The following ZFPM2 variants were observed in gnomAD, a reference collection of about 807,000 sequenced individuals.
The protein encoded by ZFPM2 is zinc finger protein, FOG family member 2, also known as zinc finger protein ZFPM2.
A neutral mutation model predicts 98.6 loss-of-function variants in ZFPM2; 20 were observed. That is an observed-to-expected ratio of 0.20 (90% CI 0.14 to 0.29). ZFPM2 has a LOEUF of 0.29. ZFPM2 is among the 10% of genes least tolerant of loss of function. The pLI is 1.00. For missense variants in ZFPM2, 1,310 were observed against 1,388.6 expected (o/e 0.94, Z 0.90); for synonymous variants, 518 against 502.7 (o/e 1.03, Z -0.41).
intron 4 of ZFPM2, among the ~76,000 whole-genome samples, chr8:105,563,656 G>A (rs1815185570): frequency 6.6e-6 from 1 of 152,158 alleles, no homozygotes; most frequent in Admixed American, 6.5e-5. Context: ...GCTAATGAAT[G>A]TTAAGAAAGG....
chr8:105,794,327 G>A (rs1375616366), intron 6 of ZFPM2, among the ~76,000 whole-genome samples: 1 of 152,192 alleles, frequency 6.6e-6, no homozygotes, highest in Non-Finnish European at 1.5e-5. Context: ...GTCTGTTGGA[G>A]TTTGCTAGAG....
intron 3 of ZFPM2, among the ~76,000 whole-genome samples, chr8:105,446,224 T>A (rs1380732092): frequency 6.6e-6 from 1 of 152,158 alleles, no homozygotes; most frequent in African/African-American, 2.4e-5. Flanking sequence ...CCGGCGATAG[T>A]TCCTTATTCA....
rs1426946941 is a variant in ZFPM2, at chr8:105,390,723, A to AT, written c.41-28420dup. On this transcript the variant is annotated intron_variant, in intron 1 of 7. Transcript: ENST00000407775. ...TTCTTTATTATACAACACAACCTTA[A>AT]TGTACTCATGGTAATGAAAATGGAG... Among the ~76,000 whole-genome samples the AT allele has an allele frequency of 2.0e-5, 3 of 152,162 alleles. No individual in the cohort carries two copies. The East Asian group carries it at 5.8e-4, about 29-fold the overall frequency.
intron 5 of ZFPM2, among the ~76,000 whole-genome samples, chr8:105,768,448 G>A (rs1450799788): frequency 6.6e-6 from 1 of 151,806 alleles, no homozygotes; most frequent in Non-Finnish European, 1.5e-5. Flanking sequence ...GTTTTAGGGG[G>A]ATATTATAGC....
chr8:105,604,981 G>T (rs1208471612), intron 4 of ZFPM2, among the ~76,000 whole-genome samples: 1 of 152,000 alleles, frequency 6.6e-6, no homozygotes, highest in South Asian at 2.1e-4. Flanking sequence ...TGAATAAAAT[G>T]ACATTTTAAA....
intron 4 of ZFPM2, 105 bp downstream of exon 4, chr8:105,561,586 T>C: frequency 1.0e-6 from 1 of 960,932 alleles, no homozygotes; most frequent in East Asian, 2.6e-5. Flanking sequence ...TCACTAAAAA[T>C]AACCATTTGT....
At chr8:105,719,698 G>A (rs990953096) in intron 5 of ZFPM2, among the ~76,000 whole-genome samples, 2 of 151,894 alleles carry the variant, frequency 1.3e-5, no homozygotes, top group African/African-American at 4.8e-5. Flanking sequence ...TTGTGTGTTA[G>A]CAATTATTAT....
intron 3 of ZFPM2, among the ~76,000 whole-genome samples, chr8:105,453,008 G>A (rs916335715): frequency 2.6e-5 from 4 of 152,058 alleles, no homozygotes; most frequent in Admixed American, 6.6e-5. Flanking sequence ...AGATCAACAC[G>A]ATATGCATTA....
chr8:105,599,802 G>T (rs1346422476), intron 4 of ZFPM2, among the ~76,000 whole-genome samples: 4 of 152,044 alleles, frequency 2.6e-5, no homozygotes, highest in African/African-American at 9.7e-5. Context: ...AATTAGAAGA[G>T]ATTCCTGATA....
intron 1 of ZFPM2, among the ~76,000 whole-genome samples, chr8:105,378,678 A>T (rs1048853249): frequency 3.9e-5 from 6 of 152,190 alleles, no homozygotes; most frequent in African/African-American, 1.4e-4. Context: ...CATCCTCATT[A>T]TAGAAACAAA....
Position 105,794,492 on chromosome 8 carries a change from G to C in ZFPM2, c.740-4232G>C, listed in dbSNP as rs187454541. Among the ~76,000 whole-genome samples the C allele has an allele frequency of 1.1e-4, 16 of 152,308 alleles. No individual in the cohort carries two copies. The East Asian group carries it at 3.1e-3, about 29-fold the overall frequency. ...GTGAGGTGTCAGTCTGCCCCTACTG[G>C]GGGGTGCGTCCCAGTTAGGCTGCTC... is the stretch of plus-strand genomic sequence containing the variant. On this transcript the variant is annotated intron_variant, in intron 6 of 7. Coordinates refer to ENST00000407775, the MANE Select transcript of ZFPM2 (RefSeq NM_012082.4).
At chr8:105,536,765 A>G (rs1814461626) in intron 3 of ZFPM2, among the ~76,000 whole-genome samples, 1 of 152,150 alleles carries the variant, frequency 6.6e-6, no homozygotes. Flanking sequence ...GAGTGTCAGA[A>G]AAGAGGAATG....
At chr8:105,605,047 A>G (rs887317452) in intron 4 of ZFPM2, among the ~76,000 whole-genome samples, 3 of 152,134 alleles carry the variant, frequency 2.0e-5, no homozygotes, top group Non-Finnish European at 4.4e-5. Flanking sequence ...TTTCATTGCC[A>G]TTCTCATTCT....
chr8:105,691,231 C>CTGTTTTTTTTT (rs1810871656), intron 5 of ZFPM2, among the ~76,000 whole-genome samples: 1 of 67,964 alleles, frequency 1.5e-5, no homozygotes, highest in Non-Finnish European at 2.6e-5. Flanking sequence ...CCCAAAGAGA[C>CTGTTTTTTTTT]TTTTTTTTTT....
chr8:105,426,487 C>T (rs1005998910), intron 2 of ZFPM2, among the ~76,000 whole-genome samples: 5 of 152,116 alleles, frequency 3.3e-5, no homozygotes, highest in African/African-American at 1.2e-4. Flanking sequence ...CGCCACCTCC[C>T]CCTCCCTCCA....
chr8:105,445,373 A>G (rs938065878), intron 3 of ZFPM2, among the ~76,000 whole-genome samples: 56 of 152,308 alleles, frequency 3.7e-4, no homozygotes, highest in African/African-American at 1.2e-3. Flanking sequence ...GCTATACAAG[A>G]TTTTATATCA....
chr8:105,733,141 T>C (rs1811982178), intron 5 of ZFPM2, among the ~76,000 whole-genome samples: 1 of 151,918 alleles, frequency 6.6e-6, no homozygotes, highest in South Asian at 2.1e-4. Context: ...ATAGATACAG[T>C]AATGTGTGCA....
chr8:105,495,123 A>C (rs537113489), intron 3 of ZFPM2, among the ~76,000 whole-genome samples: 1 of 152,206 alleles, frequency 6.6e-6, no homozygotes, highest in Non-Finnish European at 1.5e-5. Flanking sequence ...ACCTTTAGCC[A>C]TTGCTAGGTC....
At chr8:105,538,884 G>C (rs1222979643) in intron 3 of ZFPM2, among the ~76,000 whole-genome samples, 1 of 152,016 alleles carries the variant, frequency 6.6e-6, no homozygotes, top group Non-Finnish European at 1.5e-5. Context: ...GTATGCTAGT[G>C]AGCACCTGTA....
Sources: gnomAD v4.1 joint callset for allele counts (sites outside exome capture counted in the v4.1 genomes callset) on GRCh38, gnomAD v4.1.1 for gene constraint, MANE v1.5 for transcripts, NCBI Gene and HGNC (gene_info 2026-07-23, HGNC 2026-07-21) for gene names.